Variants in GALNT13 observed in about 807,000 individuals in gnomAD.
The protein encoded by GALNT13 is UDP-GalNAc:polypeptide N-acetylgalactosaminyltransferase 13.
A neutral mutation model predicts 64.2 loss-of-function variants in GALNT13; 28 were observed. The observed-to-expected ratio is 0.44, with a 90% CI of 0.32 to 0.60. The LOEUF (loss-of-function observed/expected upper bound fraction) is 0.60. Among genes scored for constraint, GALNT13 ranks in the 20% least tolerant of loss-of-function variants. GALNT13 has a pLI of 0.05. For synonymous variants in GALNT13, 214 were observed against 224.6 expected (o/e 0.95, Z 0.42); for missense variants, 577 against 669.8 (o/e 0.86, Z 1.53).
chr2:154,345,572 A>G (rs1696025707), intron 9 of GALNT13, among the ~76,000 whole-genome samples: 1 of 152,070 alleles, frequency 6.6e-6, no homozygotes, highest in African/African-American at 2.4e-5. Flanking sequence ...AATTATTCGG[A>G]CAGCACACTT....
At chr2:153,458,060 A>G in the GALNT13 span, among the ~76,000 whole-genome samples, 8 of 152,292 alleles carry the variant, frequency 5.3e-5, no homozygotes, top group East Asian at 1.9e-4. Flanking sequence ...CAGAACTACT[A>G]TAAGTTCTAA....
At chr2:154,309,259 T>C (rs1423120847) in intron 9 of GALNT13, among the ~76,000 whole-genome samples, 1 of 152,090 alleles carries the variant, frequency 6.6e-6, no homozygotes, top group East Asian at 1.9e-4. Context: ...AGTCTTCAAA[T>C]GAATCTCCAA....
At chr2:154,215,480 C>A (rs996420514) in intron 4 of GALNT13, among the ~76,000 whole-genome samples, 11 of 152,104 alleles carry the variant, frequency 7.2e-5, no homozygotes, top group African/African-American at 2.7e-4. Flanking sequence ...TTGGCACTCT[C>A]CCTCCACCAC....
At chr2:153,628,015 CTT>C in the GALNT13 span, among the ~76,000 whole-genome samples, 1 of 151,964 alleles carries the variant, frequency 6.6e-6, no homozygotes, top group African/African-American at 2.4e-5. Context: ...TTTGTATACT[CTT>C]ATTTCATTGA....
chr2:154,141,216 G>A (rs943380464), intron 4 of GALNT13, among the ~76,000 whole-genome samples: 1 of 152,070 alleles, frequency 6.6e-6, no homozygotes, highest in Non-Finnish European at 1.5e-5. Context: ...GGGCATTACT[G>A]TACGCTACTT....
intron 3 of GALNT13, among the ~76,000 whole-genome samples, chr2:154,053,087 A>T (rs1036660946): frequency 6.6e-6 from 1 of 152,132 alleles, no homozygotes; most frequent in African/African-American, 2.4e-5. Context: ...GATAAATCTT[A>T]AAAAACTTCC....
At chr2:154,199,519 A>T (rs905756160) in intron 4 of GALNT13, among the ~76,000 whole-genome samples, 2 of 152,014 alleles carry the variant, frequency 1.3e-5, no homozygotes, top group Non-Finnish European at 2.9e-5. Flanking sequence ...TCTTACCAAA[A>T]ATGGTTGTGT....
chr2:153,865,172 A>G, the GALNT13 span, among the ~76,000 whole-genome samples: 1 of 79,668 alleles, frequency 1.3e-5, no homozygotes, highest in Non-Finnish European at 2.6e-5. Flanking sequence ...AGATGGATTA[A>G]AGATTTAAAC....
At chr2:153,327,925 C>A in the GALNT13 span, among the ~76,000 whole-genome samples, 1 of 152,208 alleles carries the variant, frequency 6.6e-6, no homozygotes, top group African/African-American at 2.4e-5. Context: ...TTCTCATCTT[C>A]ATGGATTTAT....
chr2:154,405,019 T>A (rs1232109939), intron 10 of GALNT13, among the ~76,000 whole-genome samples: 11 of 151,734 alleles, frequency 7.2e-5, no homozygotes, highest in Admixed American at 5.9e-4. Context: ...ATGACTGATG[T>A]AAGAAAAAGA....
At chr2:153,604,977 G>A in the GALNT13 span, among the ~76,000 whole-genome samples, 2 of 151,876 alleles carry the variant, frequency 1.3e-5, no homozygotes, top group South Asian at 4.1e-4. Flanking sequence ...GAAGGTAAAT[G>A]ACTTTTTTGG....
chr2:153,120,434 A>T, the GALNT13 span, among the ~76,000 whole-genome samples: 1 of 152,318 alleles, frequency 6.6e-6, no homozygotes, highest in South Asian at 2.1e-4. Flanking sequence ...GGACCATAGG[A>T]TCTTGACTGT....
the GALNT13 span, among the ~76,000 whole-genome samples, chr2:153,243,682 T>C: frequency 1.3e-5 from 2 of 151,882 alleles, no homozygotes; most frequent in African/African-American, 4.9e-5. Context: ...TAAAATAAAG[T>C]TGAAGGTTTA....
the GALNT13 span, among the ~76,000 whole-genome samples, chr2:153,177,203 T>C: frequency 6.6e-6 from 1 of 152,158 alleles, no homozygotes; most frequent in South Asian, 2.1e-4. Flanking sequence ...AACAGTATTG[T>C]AGTCTTGCAT....
At chr2:153,240,637 C>A in the GALNT13 span, among the ~76,000 whole-genome samples, 1 of 152,242 alleles carries the variant, frequency 6.6e-6, no homozygotes, top group Non-Finnish European at 1.5e-5. Flanking sequence ...ATAATTGTAA[C>A]CCTATCACAG....
At chr2:154,310,978 A>ATAGAATATTCTATGAATATCTATTCT (rs1553513520) in intron 9 of GALNT13, among the ~76,000 whole-genome samples, 4 of 151,372 alleles carry the variant, frequency 2.6e-5, no homozygotes, top group African/African-American at 9.8e-5. Context: ...ATATATATTC[A>ATAGAATATTCTATGAATATCTATTCT]TAGAATATTC....
chr2:153,797,021 A>T, the GALNT13 span, among the ~76,000 whole-genome samples: 14 of 152,218 alleles, frequency 9.2e-5, no homozygotes, highest in African/African-American at 3.1e-4. Flanking sequence ...AATGGAAAGG[A>T]ATGTTTAAAG....
the GALNT13 span, among the ~76,000 whole-genome samples, chr2:153,566,025 A>G: frequency 1.3e-5 from 2 of 152,210 alleles, no homozygotes; most frequent in Non-Finnish European, 2.9e-5. Context: ...TTAGTTATGT[A>G]ATATCAAATG....
chr2:154,242,483 T>G (rs566425873), intron 5 of GALNT13, among the ~76,000 whole-genome samples: 32 of 152,164 alleles, frequency 2.1e-4, no homozygotes, highest in Non-Finnish European at 4.3e-4. Context: ...TTTTTCCAAC[T>G]CAATTGATTA....
Sources: allele counts gnomAD v4.1 joint callset (sites outside exome capture counted in the v4.1 genomes callset), GRCh38; gene constraint gnomAD v4.1.1; transcripts MANE v1.5; gene names NCBI Gene and HGNC (gene_info 2026-07-23, HGNC 2026-07-21).